The following CTNNA3 variants were observed in gnomAD, a reference collection of about 807,000 sequenced individuals.
CTNNA3 encodes the protein catenin alpha 3, also known as catenin alpha-3.
A neutral mutation model predicts 95.7 loss-of-function variants in CTNNA3; 76 were observed. The ratio of observed to expected loss-of-function variants is 0.79; its 90% CI spans 0.66 to 0.96. CTNNA3 has a LOEUF of 0.96. Ranked by LOEUF, CTNNA3 falls within the 40% of genes least tolerant of loss-of-function variation. The pLI, the probability that CTNNA3 is intolerant of heterozygous loss-of-function variation, is 0.00. For synonymous variants in CTNNA3, 431 were observed against 374.4 expected (o/e 1.15, Z -1.74); for missense variants, 1,191 against 1,089.8 (o/e 1.09, Z -1.31).
chr10:65,946,323 C>T lies in CTNNA3; in HGVS notation c.2400+20289G>A, dbSNP rs147993548. On this transcript the variant is annotated intron_variant, in intron 17 of 17. Coordinates refer to ENST00000433211, the MANE Select transcript of CTNNA3 (RefSeq NM_013266.4). Reference sequence around the variant, plus strand: ...TAAACCAAACTGACATGCACACACACATATTCCACCCTTCATTCTTTTAGC... The same window carrying T: ...TAAACCAAACTGACATGCACACACATATATTCCACCCTTCATTCTTTTAGC... Among the ~76,000 whole-genome samples, 97 of 152,214 alleles carry T rather than the reference C, an allele frequency of 6.4e-4. 1 individual carries two copies. Among genetic ancestry groups the T allele is most frequent in the East Asian group, 2.1e-3 (11 of 5,176 alleles).
At chr10:67,676,839 G>C (rs1033413878) in intron 1 of CTNNA3, among the ~76,000 whole-genome samples, 1 of 152,152 alleles carries the variant, frequency 6.6e-6, no homozygotes, top group African/African-American at 2.4e-5. Context: ...AAGCCTAGTG[G>C]CTGAGTCAGG....
chr10:67,284,491 A>T (rs140163201), intron 5 of CTNNA3, among the ~76,000 whole-genome samples: 1 of 152,338 alleles, frequency 6.6e-6, no homozygotes, highest in African/African-American at 2.4e-5. Context: ...CACATACTTA[A>T]ATATATTTTG....
intron 7 of CTNNA3, among the ~76,000 whole-genome samples, chr10:67,088,394 C>A (rs1340932502): frequency 1.3e-5 from 2 of 151,714 alleles, no homozygotes; most frequent in Non-Finnish European, 2.9e-5. Context: ...TTTATTTTTT[C>A]TTGCAAAACT....
At chr10:65,958,950 G>A (rs1352916777) in intron 17 of CTNNA3, among the ~76,000 whole-genome samples, 1 of 152,230 alleles carries the variant, frequency 6.6e-6, no homozygotes, top group Non-Finnish European at 1.5e-5. Context: ...GTCTGCAGAA[G>A]TTTCTGCTGC....
intron 7 of CTNNA3, among the ~76,000 whole-genome samples, chr10:67,053,768 G>A (rs1313639107): frequency 1.3e-5 from 2 of 152,126 alleles, no homozygotes; most frequent in Non-Finnish European, 2.9e-5. Context: ...TCTGCTAAAG[G>A]AATTGCAAGA....
At position 67,480,864 on chromosome 10, in the gene CTNNA3, A is replaced by G. The variant is rs549620425; in HGVS notation, c.579+40978T>C. On this transcript the variant is annotated intron_variant, in intron 5 of 17. Transcript: ENST00000433211. ...CATGACCAAGCTGGTCTTGGCAACGATACTAGCAAACTGAATCCAGTAGCA... is the reference window on the plus strand; with the variant it reads ...CATGACCAAGCTGGTCTTGGCAACGGTACTAGCAAACTGAATCCAGTAGCA... Among the ~76,000 whole-genome samples the G allele has an allele frequency of 1.2e-3, 183 of 152,252 alleles. 1 individual carries two copies. Among genetic ancestry groups the G allele is most frequent in the South Asian group, 8.7e-3 (42 of 4,818 alleles).
chr10:66,293,981 A>T (rs2091733772), intron 12 of CTNNA3, among the ~76,000 whole-genome samples: 1 of 152,092 alleles, frequency 6.6e-6, no homozygotes, highest in South Asian at 2.1e-4. Context: ...ATTCTTGACA[A>T]GAAAAAAATC....
chr10:67,609,090 C>CAAAAAAAAAA (rs397977100), intron 2 of CTNNA3, among the ~76,000 whole-genome samples: 1 of 79,666 alleles, frequency 1.3e-5, no homozygotes, highest in Non-Finnish European at 2.6e-5. Flanking sequence ...AACTCTATCT[C>CAAAAAAAAAA]AAAAAAAAAA....
intron 9 of CTNNA3, among the ~76,000 whole-genome samples, chr10:66,663,939 C>T (rs1415138869): frequency 4.6e-5 from 7 of 152,022 alleles, no homozygotes; most frequent in African/African-American, 1.7e-4. Flanking sequence ...ACTGCTATTA[C>T]TTATATTTTC....
intron 15 of CTNNA3, among the ~76,000 whole-genome samples, chr10:66,061,676 C>G (rs918489169): frequency 1.3e-5 from 2 of 151,844 alleles, no homozygotes; most frequent in Non-Finnish European, 2.9e-5. Flanking sequence ...TTTCTTAGAG[C>G]CCCTAAATGG....
rs141166719 is a variant in CTNNA3 at position 67,601,846 on chromosome 10, T to C, written c.292+5011A>G. On this transcript the variant is annotated intron_variant, in intron 3 of 17. Coordinates refer to ENST00000433211, the MANE Select transcript of CTNNA3 (RefSeq NM_013266.4). ...TACACTTCTACCCACATACTACACA[T>C]ACTACCTTTCCTTTCACCGTCTCTC... 2.4e-4 allele frequency among the ~76,000 whole-genome samples: 36 copies of C among 152,326 alleles called. No individual in the cohort carries two copies. In the East Asian group the frequency reaches 6.4e-3, roughly 27 times the overall value.
At chr10:66,609,161 G>C (rs1312131564) in intron 10 of CTNNA3, among the ~76,000 whole-genome samples, 1 of 151,608 alleles carries the variant, frequency 6.6e-6, no homozygotes, top group Non-Finnish European at 1.5e-5. Flanking sequence ...TCAGGTTCAA[G>C]TGATCCTCCC....
At chr10:66,371,670 T>G (rs920380325) in intron 12 of CTNNA3, among the ~76,000 whole-genome samples, 3 of 152,130 alleles carry the variant, frequency 2.0e-5, no homozygotes, top group Non-Finnish European at 4.4e-5. Flanking sequence ...CTCCTGCTTC[T>G]CATCATCCCC....
chr10:67,175,071 CAAA>C (rs11453660), intron 7 of CTNNA3, among the ~76,000 whole-genome samples: 2 of 66,266 alleles, frequency 3.0e-5, no homozygotes, highest in Admixed American at 2.0e-4. Flanking sequence ...CAGTCCATGC[CAAA>C]AAAAAAAAAA....
intron 3 of CTNNA3, among the ~76,000 whole-genome samples, chr10:67,544,435 C>A (rs536428102): frequency 2.6e-5 from 4 of 152,160 alleles, no homozygotes; most frequent in African/African-American, 9.6e-5. Flanking sequence ...AAGGGGAAAC[C>A]AAGGCAGAGC....
chr10:66,052,045 T>G (rs890124317), intron 15 of CTNNA3, among the ~76,000 whole-genome samples: 1 of 152,146 alleles, frequency 6.6e-6, no homozygotes, highest in Non-Finnish European at 1.5e-5. Context: ...AATTGGCACA[T>G]GATATGAATG....
intron 1 of CTNNA3, among the ~76,000 whole-genome samples, chr10:67,703,075 G>T (rs138416780): frequency 6.6e-6 from 1 of 152,170 alleles, no homozygotes; most frequent in African/African-American, 2.4e-5. Flanking sequence ...GACTAAACCA[G>T]GAAGAAGTTG....
chr10:67,706,042 C>T (rs1043160069), intron 1 of CTNNA3, among the ~76,000 whole-genome samples: 1 of 152,030 alleles, frequency 6.6e-6, no homozygotes, highest in African/African-American at 2.4e-5. Context: ...GCATGAATGG[C>T]ATGCAGGGGA....
intron 13 of CTNNA3, among the ~76,000 whole-genome samples, chr10:66,161,904 T>C (rs2084869325): frequency 6.6e-6 from 1 of 152,164 alleles, no homozygotes; most frequent in East Asian, 1.9e-4. Flanking sequence ...TTTTTTATTC[T>C]ATTTTCTTTG....
Sources: gnomAD v4.1 joint callset for allele counts (sites outside exome capture counted in the v4.1 genomes callset) on GRCh38, gnomAD v4.1.1 for gene constraint, MANE v1.5 for transcripts, NCBI Gene and HGNC (gene_info 2026-07-23, HGNC 2026-07-21) for gene names.